NBEA: variants seen among roughly 807,000 people sequenced by gnomAD.
NBEA encodes the protein lysosomal-trafficking regulator 2.
NBEA carries 44 observed loss-of-function variants against 343.4 expected under a neutral mutation model. That is an observed-to-expected ratio of 0.13 (90% CI 0.10 to 0.16). NBEA has a LOEUF of 0.16. Ranked by LOEUF, NBEA falls within the 10% of genes least tolerant of loss-of-function variation. The probability of loss-of-function intolerance (pLI) is 1.00; values close to 1 mark genes in which losing one functional copy is unlikely to be tolerated. For missense variants in NBEA, 2,555 were observed against 3,631.3 expected (o/e 0.70, Z 7.62); for synonymous variants, 1,175 against 1,238.7 (o/e 0.95, Z 1.08).
intron 39 of NBEA, among the ~76,000 whole-genome samples, chr13:35,449,996 T>A: frequency 6.6e-6 from 1 of 152,244 alleles, no homozygotes; most frequent in Non-Finnish European, 1.5e-5. Context: ...GGTATTGTGA[T>A]GTGACTATGT....
chr13:35,339,490 A>T (rs1350771487), intron 36 of NBEA, among the ~76,000 whole-genome samples: 1 of 152,152 alleles, frequency 6.6e-6, no homozygotes, highest in Non-Finnish European at 1.5e-5. Flanking sequence ...AATCAAAAGT[A>T]CAATAAGCTA....
chr13:35,593,588 A>G (rs1243298557), intron 47 of NBEA, 141 bp downstream of exon 47: 1 of 519,436 alleles, frequency 1.9e-6, no homozygotes, highest in Non-Finnish European at 3.1e-6. Flanking sequence ...CTAACCTTAT[A>G]GGAAATAATT....
At chr13:35,208,406 T>G (rs1260014038) in intron 31 of NBEA, among the ~76,000 whole-genome samples, 2 of 152,134 alleles carry the variant, frequency 1.3e-5, no homozygotes, top group South Asian at 2.1e-4. Flanking sequence ...TAGCACAAAT[T>G]TCTTAATATT....
At chr13:35,094,608 C>T (rs1456460423) in intron 10 of NBEA, among the ~76,000 whole-genome samples, 1 of 151,616 alleles carries the variant, frequency 6.6e-6, no homozygotes, top group Non-Finnish European at 1.5e-5. Flanking sequence ...ATCTTGGATG[C>T]GAAATTGTCT....
At chr13:35,425,280 A>G (rs2044580345) in intron 38 of NBEA, among the ~76,000 whole-genome samples, 1 of 152,062 alleles carries the variant, frequency 6.6e-6, no homozygotes, top group South Asian at 2.1e-4. Context: ...TCTTGTGGGC[A>G]TTTAGTGCTA....
chr13:35,527,190 T>C (rs2078018877), intron 41 of NBEA, among the ~76,000 whole-genome samples: 1 of 152,130 alleles, frequency 6.6e-6, no homozygotes, highest in Admixed American at 6.5e-5. Context: ...GGTTATTTTA[T>C]GGGCTCAGAC....
At chr13:35,638,796 G>A (rs577714145) in intron 49 of NBEA, among the ~76,000 whole-genome samples, 1 of 152,234 alleles carries the variant, frequency 6.6e-6, no homozygotes, top group South Asian at 2.1e-4. Context: ...GATCTGATTT[G>A]GACAGAAAAT....
intron 38 of NBEA, among the ~76,000 whole-genome samples, chr13:35,380,820 A>AG (rs1266359536): frequency 5.3e-5 from 8 of 152,172 alleles, no homozygotes; most frequent in Admixed American, 6.5e-5. Flanking sequence ...CAGTATGATA[A>AG]TGAGAATCCT....
At chr13:35,632,237 A>G (rs2083483707) in intron 49 of NBEA, among the ~76,000 whole-genome samples, 1 of 152,176 alleles carries the variant, frequency 6.6e-6, no homozygotes, top group Non-Finnish European at 1.5e-5. Flanking sequence ...AAGAAACTTC[A>G]TCCTATGACC....
intron 17 of NBEA, among the ~76,000 whole-genome samples, chr13:35,138,459 C>CT (rs1230686366): frequency 2.2e-3 from 294 of 136,426 alleles, no homozygotes; most frequent in Admixed American, 3.0e-3. Flanking sequence ...AATTATGCTA[C>CT]TTTTTTTTTT....
chr13:35,358,865 TTAAG>T (rs1467431517), intron 38 of NBEA, among the ~76,000 whole-genome samples: 1 of 152,266 alleles, frequency 6.6e-6, no homozygotes, highest in South Asian at 2.1e-4. Flanking sequence ...GAAGCTCTGT[TTAAG>T]TAAAAAGATG....
intron 38 of NBEA, among the ~76,000 whole-genome samples, chr13:35,408,143 G>C (rs2043375901): frequency 6.6e-6 from 1 of 151,932 alleles, no homozygotes; most frequent in Non-Finnish European, 1.5e-5. Context: ...AAACAGCATG[G>C]TGGGTACAAA....
At chr13:35,662,824 A>G (rs2085166012) in intron 55 of NBEA, among the ~76,000 whole-genome samples, 1 of 152,118 alleles carries the variant, frequency 6.6e-6, no homozygotes, top group Non-Finnish European at 1.5e-5. Context: ...TTTTTTCTAT[A>G]GCATATTAGG....
intron 1 of NBEA, among the ~76,000 whole-genome samples, chr13:34,957,496 G>T (rs533212328): frequency 6.6e-6 from 1 of 152,058 alleles, no homozygotes; most frequent in East Asian, 1.9e-4. Context: ...TGAATATTCA[G>T]CAGTGATTTT....
intron 48 of NBEA, among the ~76,000 whole-genome samples, chr13:35,617,055 T>C (rs1343023069): frequency 1.3e-5 from 2 of 152,220 alleles, no homozygotes; most frequent in Non-Finnish European, 1.5e-5. Context: ...AGAATTAAGT[T>C]TTACAACTAA....
At chr13:35,036,299 C>T (rs1364425853) in intron 1 of NBEA, among the ~76,000 whole-genome samples, 1 of 151,958 alleles carries the variant, frequency 6.6e-6, no homozygotes, top group Non-Finnish European at 1.5e-5. Flanking sequence ...CTTGCCTTAA[C>T]TTCATTTCCT....
At chr13:35,560,756 T>G (rs1046692051) in intron 44 of NBEA, among the ~76,000 whole-genome samples, 5 of 152,176 alleles carry the variant, frequency 3.3e-5, no homozygotes, top group African/African-American at 1.2e-4. Context: ...TGCAGACTCC[T>G]GGGAAGGAGA....
chr13:35,402,553 G>A (rs925980433), intron 38 of NBEA, among the ~76,000 whole-genome samples: 5 of 152,062 alleles, frequency 3.3e-5, no homozygotes, highest in South Asian at 2.1e-4. Context: ...GAAAAGAACC[G>A]AACCACACAG....
intron 14 of NBEA, among the ~76,000 whole-genome samples, chr13:35,117,745 T>G (rs2066573555): frequency 6.6e-6 from 1 of 151,988 alleles, no homozygotes; most frequent in Non-Finnish European, 1.5e-5. Context: ...CCCTTATTCT[T>G]ATAGTAATTG....
Sources: allele counts gnomAD v4.1 joint callset (sites outside exome capture counted in the v4.1 genomes callset), GRCh38; gene constraint gnomAD v4.1.1; transcripts MANE v1.5; gene names NCBI Gene and HGNC (gene_info 2026-07-23, HGNC 2026-07-21).